The following CROCC2 variants were observed in gnomAD, a reference collection of about 807,000 sequenced individuals.
CROCC2 encodes the protein ciliary rootlet coiled-coil protein 2.
Under a neutral mutation model 177.6 loss-of-function variants are expected in CROCC2, and 163 were observed. The observed-to-expected ratio is 0.92, with a 90% CI of 0.81 to 1.05. CROCC2 has a LOEUF of 1.05. CROCC2 is among the 50% of genes least tolerant of loss of function. The pLI, the probability that CROCC2 is intolerant of heterozygous loss-of-function variation, is 0.00. For synonymous variants in CROCC2, 904 were observed against 787.3 expected, an observed-to-expected ratio of 1.15 and a Z score of -2.48; for missense variants, 1,929 against 1,797.8, an observed-to-expected ratio of 1.07 and a Z score of -1.32.
At position 240,935,579 on chromosome 2, in the gene CROCC2, G is replaced by A. The variant is rs2059464030; in HGVS notation, c.2160G>A (p.Gln720=). The change falls in exon 14 of 32, where the codon CAG becomes CAA. Residue 720 remains glutamine (Q), a synonymous_variant. Transcript: ENST00000690015. ...GAGAGAAGGCCCAGCTCCAGGAGCA[G>A]GTGGGCCAGGTGAGGACGTCTGCAG... is the stretch of plus-strand genomic sequence containing the variant. ...LGREKAQLQE[Q]VGQVTCQKQA... 4 of 1,363,934 alleles carry A rather than the reference G, an allele frequency of 2.9e-6. No individual in the cohort carries two copies. Among genetic ancestry groups the A allele is most frequent in the Non-Finnish European group, 3.8e-6 (4 of 1,059,086 alleles). The allele number at this position is 1,363,934 out of a possible 1,614,324, so 84.5% of individuals were successfully genotyped here.
Position 240,968,142 on chromosome 2 carries a change from G to C in CROCC2, c.4281G>C (p.Val1427=). 1 of 1,492,474 alleles carries C rather than the reference G, an allele frequency of 6.7e-7. No individual in the cohort carries two copies. Among genetic ancestry groups the C allele is most frequent in the South Asian group, 1.3e-5 (1 of 79,198 alleles). The allele number at this position is 1,492,474 out of a possible 1,614,324, so 92.5% of individuals were successfully genotyped here. The change falls in exon 27 of 32, where the codon GTG becomes GTC. Residue 1427 remains valine, a synonymous_variant. Transcript: ENST00000690015. ...LAEAEEGQRR[V]EGALSSARAA... ...CTTGCCCCACAGGCCAGCGCCGGGT[G>C]GAGGGCGCGCTGAGCAGCGCCCGGG...
At chr2:240,967,885 GC>G (rs1439400096) in intron 26 of CROCC2, among the ~76,000 whole-genome samples, 2 of 151,118 alleles carry the variant, frequency 1.3e-5, no homozygotes, top group East Asian at 2.0e-4. Flanking sequence ...CCTTCCTTCT[GC>G]CCCCCACTGC....
intron 11 of CROCC2, 122 bp downstream of exon 11, chr2:240,933,974 G>A: frequency 8.6e-7 from 1 of 1,156,952 alleles, no homozygotes; most frequent in Admixed American, 2.5e-5. Flanking sequence ...TCAGGGTGTG[G>A]TGGCCCTAAC....
intron 11 of CROCC2, 142 bp downstream of exon 11, chr2:240,933,994 G>A (rs941115173): frequency 4.3e-6 from 4 of 938,336 alleles, no homozygotes; most frequent in Admixed American, 2.8e-5. Context: ...CAGGGCAGGG[G>A]CGGGGGCTCT....
intron 22 of CROCC2, 98 bp from the exon 23 acceptor site, chr2:240,965,283 C>T (rs1324772206): frequency 6.7e-7 from 1 of 1,490,946 alleles, no homozygotes; most frequent in Admixed American, 2.1e-5. Flanking sequence ...TGGCCAGCTG[C>T]CCTCAAGGGA....
Position 240,922,519 on chromosome 2 carries a change from G to A in CROCC2, c.382-20G>A, listed in dbSNP as rs1270644561. 4.3e-6 allele frequency: 3 copies of A among 692,352 alleles called. No homozygotes were observed. The African/African-American group carries it at 5.3e-5, about 12-fold the overall frequency. 42.9% of individuals were successfully genotyped at this position (692,352 alleles called of 1,614,324 possible). A position where few individuals can be genotyped will look rare whatever the true frequency, so the allele number is the denominator to read the frequency against. On this transcript the variant is annotated intron_variant, in intron 3 of 31. Coordinates refer to ENST00000690015, the MANE Select transcript of CROCC2 (RefSeq NM_001351305.2). ...GGGTTCAGGAGCAGCCAGACCAGGT[G>A]GGCTATTGCTCCTCCCCAGCTGCAG...
chr2:240,927,061 G>A (rs2059399758), intron 5 of CROCC2, among the ~76,000 whole-genome samples: 1 of 152,218 alleles, frequency 6.6e-6, no homozygotes, highest in Non-Finnish European at 1.5e-5. Flanking sequence ...CTTTGTCCTT[G>A]AGAACTGTTC....
chr2:240,968,330 C>A, intron 27 of CROCC2, 68 bp downstream of exon 27: 1 of 1,436,012 alleles, frequency 7.0e-7, no homozygotes, highest in Non-Finnish European at 9.2e-7. Flanking sequence ...ACCCTCACAC[C>A]CTGCAGGGAG....
At chr2:240,964,270 C>T in intron 21 of CROCC2, 196 bp from the exon 22 acceptor site, 2 of 635,096 alleles carry the variant, frequency 3.1e-6, no homozygotes, top group Non-Finnish European at 2.8e-6. Flanking sequence ...GGACAGGGGC[C>T]ATGCGGCCGG....
At chr2:240,932,678 T>A in intron 8 of CROCC2, 24 bp from the exon 9 acceptor site, 1 of 725,600 alleles carries the variant, frequency 1.4e-6, no homozygotes. Context: ...GGCCCCTCTA[T>A]CCCTTCCTCT....
rs148481145 is a variant in CROCC2 at position 240,992,322 on chromosome 2, A to G, written c.4947-744A>G. Among the ~76,000 whole-genome samples, 4 of 152,172 alleles carry G rather than the reference A, an allele frequency of 2.6e-5. 1 individual carries two copies. Among genetic ancestry groups the G allele is most frequent in the Non-Finnish European group, 5.9e-5 (4 of 67,980 alleles). On this transcript the variant is annotated intron_variant, in intron 31 of 31. Transcript: ENST00000690015. ...GTCCCAGTCGCAAGGACTCTGGCCTAAGGGTGCAAGGCCAGAGGCTCCCGG... is the reference window on the plus strand; with the variant it reads ...GTCCCAGTCGCAAGGACTCTGGCCTGAGGGTGCAAGGCCAGAGGCTCCCGG...
At chr2:240,919,584 T>C (rs2059344694) in intron 2 of CROCC2, among the ~76,000 whole-genome samples, 1 of 152,126 alleles carries the variant, frequency 6.6e-6, no homozygotes, top group Non-Finnish European at 1.5e-5. Context: ...ACTGGCTGTG[T>C]GTGTATTTAC....
chr2:240,988,718 T>C, intron 28 of CROCC2, 21 bp from the exon 29 acceptor site: 2 of 1,352,572 alleles, frequency 1.5e-6, no homozygotes, highest in South Asian at 4.0e-5. Context: ...CCACAGGTTC[T>C]GCCTCCTGGG....
chr2:240,921,768 C>G (rs2059358763), intron 3 of CROCC2, among the ~76,000 whole-genome samples: 1 of 152,244 alleles, frequency 6.6e-6, no homozygotes, highest in South Asian at 2.1e-4. Context: ...ACCTTCTCTT[C>G]CAGCTTGTGG....
chr2:240,976,163 G>A (rs951825818), intron 27 of CROCC2, among the ~76,000 whole-genome samples: 4 of 151,934 alleles, frequency 2.6e-5, no homozygotes, highest in Non-Finnish European at 5.9e-5. Flanking sequence ...TCTGGGGTAG[G>A]AGCCTCAGAA....
At position 240,932,777 on chromosome 2, in the gene CROCC2, C is replaced by A. The variant is rs1172983417; in HGVS notation, c.1120C>A (p.Leu374Met). 2 of 1,378,644 alleles carry A rather than the reference C, an allele frequency of 1.5e-6. No individual in the cohort carries two copies. The highest frequency in any genetic ancestry group is 2.5e-5 in the East Asian group (1 of 40,100). The allele number at this position is 1,378,644 out of a possible 1,614,324, so 85.4% of individuals were successfully genotyped here. ...ITELGEPRRP[L>M]RSPQRATSPH... ...TGAATTGGGGGAGCCACGGCGCCCA[C>A]TGAGGAGCCCCCAACGTGCCACATC... The change falls in exon 9 of 32, where the codon CTG becomes ATG. Residue 374 changes from leucine (L) to methionine (M), a missense_variant. Transcript: ENST00000690015.
At chr2:240,955,511 G>C (rs747205730) in intron 18 of CROCC2, 2 of 240,710 alleles carry the variant, frequency 8.3e-6, no homozygotes, top group Non-Finnish European at 1.6e-5. Flanking sequence ...TAGAGGGATG[G>C]GGGTGGCTCA....
intron 18 of CROCC2, 140 bp downstream of exon 18, chr2:240,950,650 A>G: frequency 1.2e-6 from 1 of 823,514 alleles, no homozygotes; most frequent in East Asian, 2.9e-5. Context: ...CATCCATCCA[A>G]CCATCCGTCC....
intron 18 of CROCC2, chr2:240,955,417 T>TCA (rs1434580271): frequency 6.3e-6 from 1 of 157,996 alleles, no homozygotes; most frequent in Non-Finnish European, 1.4e-5. Flanking sequence ...GGTGTCTCGC[T>TCA]CACACGCATC....
Sources: allele counts gnomAD v4.1 joint callset (sites outside exome capture counted in the v4.1 genomes callset), GRCh38; gene constraint gnomAD v4.1.1; transcripts MANE v1.5; gene names NCBI Gene and HGNC (gene_info 2026-07-23, HGNC 2026-07-21).